PHLPP2: variants seen among roughly 807,000 people sequenced by gnomAD.
PHLPP2 encodes the protein PH domain and leucine rich repeat protein phosphatase 2.
Under a neutral mutation model 124.9 loss-of-function variants are expected in PHLPP2, and 66 were observed. The ratio of observed to expected loss-of-function variants is 0.53; its 90% CI spans 0.43 to 0.65. PHLPP2 has a LOEUF of 0.65. Ranked by LOEUF, PHLPP2 falls within the 30% of genes least tolerant of loss-of-function variation. The pLI, the probability that PHLPP2 is intolerant of heterozygous loss-of-function variation, is 0.00. For synonymous variants in PHLPP2, 681 were observed against 624.7 expected, an observed-to-expected ratio of 1.09 and a Z score of -1.34; for missense variants, 1,685 against 1,600.4, an observed-to-expected ratio of 1.05 and a Z score of -0.90.
intron 3 of PHLPP2, among the ~76,000 whole-genome samples, chr16:71,700,207 G>A (rs955070686): frequency 6.6e-5 from 10 of 151,908 alleles, no homozygotes; most frequent in East Asian, 1.9e-4. Context: ...GACCAGCCTC[G>A]AGCCATGAGC....
chr16:71,703,229 G>A (rs1462847020), intron 2 of PHLPP2, among the ~76,000 whole-genome samples: 1 of 152,050 alleles, frequency 6.6e-6, no homozygotes, highest in African/African-American at 2.4e-5. Flanking sequence ...CTAAACAAGT[G>A]TTTTTTTAAC....
intron 5 of PHLPP2, among the ~76,000 whole-genome samples, chr16:71,682,471 C>T (rs2045011004): frequency 6.6e-6 from 1 of 152,114 alleles, no homozygotes; most frequent in Non-Finnish European, 1.5e-5. Context: ...GCGTGAGTCA[C>T]AGCACCCGGT....
At chr16:71,658,855 T>A in intron 13 of PHLPP2, 40 bp from the exon 14 acceptor site, 1 of 1,588,828 alleles carries the variant, frequency 6.3e-7, no homozygotes, top group South Asian at 1.1e-5. Flanking sequence ...GCACCAAGAC[T>A]GAGCAGCTGC....
chr16:71,676,536 C>T lies in PHLPP2; in HGVS notation c.1382G>A (p.Ser461Asn). 1.2e-6 allele frequency: 2 copies of T among 1,614,180 alleles called. No individual in the cohort carries two copies. The highest frequency in any genetic ancestry group is 1.7e-6 in the Non-Finnish European group (2 of 1,179,984). ...LTDLDLSSLC[S>N]LEQLHCGRNQ... Reference sequence around the variant, plus strand: ...CCGCCCACAGTGCAGCTGTTCCAAGCTGCATAAGGAGCTAAGATCCAAGTC... The same window carrying T: ...CCGCCCACAGTGCAGCTGTTCCAAGTTGCATAAGGAGCTAAGATCCAAGTC... The change falls in exon 9 of 19, where the codon AGC becomes AAC. Residue 461 changes from serine (S) to asparagine (N), a missense_variant. Physicochemically the swap from Ser to Asn is conservative, Grantham distance 46. Transcript: ENST00000568954.
chr16:71,708,990 T>C (rs1415751435), intron 2 of PHLPP2, among the ~76,000 whole-genome samples: 1 of 151,972 alleles, frequency 6.6e-6, no homozygotes, highest in Non-Finnish European at 1.5e-5. Flanking sequence ...AAAAGAAAAA[T>C]AAATTTTAAA....
At chr16:71,716,395 C>CA (rs1437991274) in intron 1 of PHLPP2, among the ~76,000 whole-genome samples, 9 of 151,710 alleles carry the variant, frequency 5.9e-5, no homozygotes. Flanking sequence ...TGCCCTGTTT[C>CA]AAAAAAAATT....
chr16:71,664,362 A>T (rs2044820332), intron 12 of PHLPP2: 1 of 532,348 alleles, frequency 1.9e-6, no homozygotes, highest in African/African-American at 1.9e-5. Context: ...ATTCTAACCT[A>T]ACTTCATCTT....
At chr16:71,664,878 T>C (rs1034516808) in intron 12 of PHLPP2, among the ~76,000 whole-genome samples, 2 of 152,276 alleles carry the variant, frequency 1.3e-5, no homozygotes, top group Admixed American at 6.5e-5. Context: ...TTATAGACAC[T>C]GTAATGAGCA....
rs1428470325 is a variant in PHLPP2, at chr16:71,656,553, C to T, written c.2390+18G>A. The stretch of plus-strand genomic sequence containing the variant: ...GCTGCCTTTTTTCTTTCTCAGTCTC[C>T]ATGGCCAATATACTCACTTATTTCT... On this transcript the variant is annotated intron_variant, in intron 16 of 18. Coordinates refer to ENST00000568954, the MANE Select transcript of PHLPP2 (RefSeq NM_015020.3). 3 of 1,476,570 alleles carry T rather than the reference C, an allele frequency of 2.0e-6. No homozygotes were observed. Among genetic ancestry groups the T allele is most frequent in the Non-Finnish European group, 2.8e-6 (3 of 1,055,846 alleles). 91.5% of individuals were successfully genotyped at this position (1,476,570 alleles called of 1,614,324 possible). A position where few individuals can be genotyped will look rare whatever the true frequency, so the allele number is the denominator to read the frequency against.
At chr16:71,693,308 C>T (rs2045134518) in intron 3 of PHLPP2, among the ~76,000 whole-genome samples, 1 of 151,972 alleles carries the variant, frequency 6.6e-6, no homozygotes, top group Admixed American at 6.6e-5. Context: ...AAAAGATCAA[C>T]ATGCCTAAAC....
At chr16:71,662,539 G>A (rs907051906) in intron 13 of PHLPP2, among the ~76,000 whole-genome samples, 45 of 152,066 alleles carry the variant, frequency 3.0e-4, no homozygotes, top group African/African-American at 9.9e-4. Flanking sequence ...AGTTTCTCCT[G>A]TATGTCTTCT....
chr16:71,702,691 C>A lies in PHLPP2; in HGVS notation c.325G>T (p.Asp109Tyr), dbSNP rs1470474860. The A allele has an allele frequency of 1.2e-6, 2 of 1,610,866 alleles. No individual in the cohort carries two copies. Among genetic ancestry groups the A allele is most frequent in the African/African-American group, 2.7e-5 (2 of 74,852 alleles). The change falls in exon 3 of 19, where the codon GAT (aspartate) becomes TAT (tyrosine). Residue 109 changes from aspartate to tyrosine, a missense_variant. Coordinates refer to ENST00000568954, the MANE Select transcript of PHLPP2 (RefSeq NM_015020.3). ...TCAAATCCCAGCCTGGATAAGTAAT[C>A]ATAAACGATCTGAAGAGGTCGTTCA... ...PTERPLQIVY[D>Y]YLSRLGFDDP...
intron 3 of PHLPP2, among the ~76,000 whole-genome samples, chr16:71,694,525 CAAT>C (rs2045149202): frequency 2.0e-5 from 3 of 151,288 alleles, no homozygotes; most frequent in Admixed American, 2.0e-4. Context: ...AACTTATGCA[CAAT>C]AAAAAGTAAT....
Position 71,647,705 on chromosome 16 carries a change from A to C in PHLPP2, c.*1185T>G, listed in dbSNP as rs889893545. ...GCCAATCCCTAAATTTCCCTGGGAAATACCTAGCAGGTATCATATTTGTCA... is the reference window on the plus strand; with the variant it reads ...GCCAATCCCTAAATTTCCCTGGGAACTACCTAGCAGGTATCATATTTGTCA... On this transcript the variant is annotated 3_prime_UTR_variant, in exon 19 of 19. Transcript: ENST00000568954. 1 of 152,118 alleles carries C rather than the reference A, an allele frequency of 6.6e-6. No individual in the cohort carries two copies. Among genetic ancestry groups the C allele is most frequent in the African/African-American group, 2.4e-5 (1 of 41,424 alleles). The allele number at this position is 152,118 out of a possible 1,614,324, so 9.4% of individuals were successfully genotyped here.
Position 71,714,714 on chromosome 16 carries a change from C to T in PHLPP2, c.82G>A (p.Val28Ile), listed in dbSNP as rs370325380. Residue 28 changes from valine to isoleucine, a missense_variant, in exon 2 of 19, where the codon GTA becomes ATA. By Grantham distance (29) the Val-to-Ile change is conservative. Transcript: ENST00000568954. The stretch of plus-strand genomic sequence containing the variant: ...TAAAGGTAAACACAGCCTCTCTTTA[C>T]ATCTTCTCTTAGCCAGTCTCTTTCT... ...SRERDWLRED[V>I]KRGCVYLYGA... The T allele has an allele frequency of 3.1e-6, 5 of 1,614,032 alleles. No homozygotes were observed. In the African/African-American group the frequency reaches 6.7e-5, roughly 22 times the overall value.
intron 18 of PHLPP2, among the ~76,000 whole-genome samples, chr16:71,651,649 A>G (rs1596986121): frequency 6.6e-6 from 1 of 152,232 alleles, no homozygotes; most frequent in African/African-American, 2.4e-5. Context: ...TTCTAATAGT[A>G]TCAATCACAT....
chr16:71,689,025 T>C (rs781487555), intron 4 of PHLPP2, among the ~76,000 whole-genome samples: 2 of 152,160 alleles, frequency 1.3e-5, no homozygotes, highest in Admixed American at 6.5e-5. Flanking sequence ...CCAACCAGCC[T>C]GGCATTAGGC....
intron 11 of PHLPP2, among the ~76,000 whole-genome samples, chr16:71,669,011 C>A (rs557358409): frequency 1.3e-5 from 2 of 152,292 alleles, no homozygotes; most frequent in Admixed American, 6.5e-5. Context: ...TATCATGTCA[C>A]CAACCTATGG....
intron 13 of PHLPP2, 47 bp downstream of exon 13, chr16:71,663,852 A>G (rs2044814970): frequency 7.2e-7 from 1 of 1,389,122 alleles, no homozygotes; most frequent in South Asian, 1.2e-5. Flanking sequence ...ACAAATATAG[A>G]ATTAATGTTG....
Sources: allele counts gnomAD v4.1 joint callset (sites outside exome capture counted in the v4.1 genomes callset), GRCh38; gene constraint gnomAD v4.1.1; transcripts MANE v1.5; gene names NCBI Gene and HGNC (gene_info 2026-07-23, HGNC 2026-07-21).